The following INPP4A variants were observed in gnomAD, a reference collection of about 807,000 sequenced individuals.
INPP4A encodes inositol polyphosphate-4-phosphatase type I A, also known as inositol polyphosphate-4-phosphatase, type I, 107kD.
INPP4A carries 33 observed loss-of-function variants against 119.8 expected under a neutral mutation model. The ratio of observed to expected loss-of-function variants is 0.28; its 90% CI spans 0.21 to 0.37. The LOEUF (loss-of-function observed/expected upper bound fraction) is 0.37. Ranked by LOEUF, INPP4A falls within the 10% of genes least tolerant of loss-of-function variation. INPP4A has a pLI of 1.00. For synonymous variants in INPP4A, 496 were observed against 500.7 expected, an observed-to-expected ratio of 0.99 and a Z score of 0.12; for missense variants, 956 against 1,289.9, an observed-to-expected ratio of 0.74 and a Z score of 3.97.
chr2:98,479,791 G>T (rs1394632663), intron 1 of INPP4A, among the ~76,000 whole-genome samples: 1 of 152,190 alleles, frequency 6.6e-6, no homozygotes, highest in African/African-American at 2.4e-5. Flanking sequence ...GACCAACTTC[G>T]ATTGAGCTGG....
At chr2:98,513,154 G>A (rs774415285) in intron 1 of INPP4A, among the ~76,000 whole-genome samples, 1 of 152,150 alleles carries the variant, frequency 6.6e-6, no homozygotes, top group Non-Finnish European at 1.5e-5. Flanking sequence ...GACCCCAACT[G>A]CTGTATCGTA....
chr2:98,559,775 G>A (rs1320634055), intron 17 of INPP4A, among the ~76,000 whole-genome samples: 1 of 152,206 alleles, frequency 6.6e-6, no homozygotes, highest in Non-Finnish European at 1.5e-5. Context: ...TGAAGTGGTT[G>A]ACCTGAGGTA....
intron 23 of INPP4A, among the ~76,000 whole-genome samples, chr2:98,576,060 G>A (rs1698363141): frequency 6.6e-6 from 1 of 152,202 alleles, no homozygotes; most frequent in Non-Finnish European, 1.5e-5. Context: ...CTGCAACCAA[G>A]CTCATATTAT....
At position 98,461,446 on chromosome 2, in the gene INPP4A, TC is replaced by T. The variant is rs1449024148; in HGVS notation, c.-166+16363del. On this transcript the variant is annotated intron_variant, in intron 1 of 24. Coordinates refer to ENST00000409851, the MANE Select transcript of INPP4A (RefSeq NM_001134225.2). ...CCCAGAGCAGGGCTCCTTGAAATCTTCCATCCCCTTATTGGCTGTGCACTAA... is the reference window on the plus strand; with the variant it reads ...CCCAGAGCAGGGCTCCTTGAAATCTTCATCCCCTTATTGGCTGTGCACTAA... Among the ~76,000 whole-genome samples, 4 of 152,348 alleles carry T rather than the reference TC, an allele frequency of 2.6e-5. No homozygotes were observed. The East Asian group carries it at 7.7e-4, about 29-fold the overall frequency.
intron 1 of INPP4A, among the ~76,000 whole-genome samples, chr2:98,457,978 ATTTTTTTT>A (rs766066774): frequency 2.9e-5 from 4 of 137,146 alleles, no homozygotes; most frequent in Admixed American, 7.2e-5. Context: ...TTAAACAAAA[ATTTTTTTT>A]TTTTTTTTTT....
At chr2:98,453,615 C>T (rs1695588842) in intron 1 of INPP4A, among the ~76,000 whole-genome samples, 1 of 152,042 alleles carries the variant, frequency 6.6e-6, no homozygotes, top group Non-Finnish European at 1.5e-5. Context: ...TTTTCCTGGG[C>T]GTGCGACCTG....
At chr2:98,491,440 A>G (rs1280836897) in intron 1 of INPP4A, among the ~76,000 whole-genome samples, 2 of 152,158 alleles carry the variant, frequency 1.3e-5, no homozygotes. Context: ...TCTCGTCTGG[A>G]TGATGTGGTT....
At chr2:98,545,927 T>G (rs566023571) in intron 11 of INPP4A, 42 bp from the exon 12 acceptor site, 1 of 1,392,374 alleles carries the variant, frequency 7.2e-7, no homozygotes, top group African/African-American at 1.4e-5. Flanking sequence ...GAATGCAGCA[T>G]GTATGCTGAT....
At chr2:98,547,556 G>A (rs1399963125) in intron 13 of INPP4A, among the ~76,000 whole-genome samples, 1 of 152,220 alleles carries the variant, frequency 6.6e-6, no homozygotes. Context: ...TGGGGGTGAT[G>A]AGTGTAGATG....
intron 1 of INPP4A, among the ~76,000 whole-genome samples, chr2:98,449,432 G>T (rs944275280): frequency 2.0e-5 from 3 of 152,102 alleles, no homozygotes; most frequent in Non-Finnish European, 4.4e-5. Flanking sequence ...GCATTTTGTT[G>T]CTCAAATTAT....
At chr2:98,490,946 A>G (rs1324601477) in intron 1 of INPP4A, among the ~76,000 whole-genome samples, 1 of 152,240 alleles carries the variant, frequency 6.6e-6, no homozygotes, top group Non-Finnish European at 1.5e-5. Flanking sequence ...TCCAAAGAAA[A>G]TAAACATTTT....
intron 1 of INPP4A, among the ~76,000 whole-genome samples, chr2:98,514,623 A>T (rs1299758067): frequency 6.6e-6 from 1 of 151,964 alleles, no homozygotes; most frequent in African/African-American, 2.4e-5. Flanking sequence ...TTCATTAAAG[A>T]CCCAAAAGGA....
chr2:98,535,596 G>A (rs192320935), intron 5 of INPP4A, 133 bp from the exon 6 acceptor site: 22 of 597,594 alleles, frequency 3.7e-5, no homozygotes, highest in African/African-American at 1.7e-4. Flanking sequence ...TATTTAAGCC[G>A]CCTTTAGCAT....
intron 13 of INPP4A, among the ~76,000 whole-genome samples, chr2:98,548,077 G>A (rs1012937406): frequency 3.3e-5 from 5 of 152,124 alleles, no homozygotes; most frequent in African/African-American, 1.2e-4. Context: ...CAGTGGCTGA[G>A]GGGGTCAGGG....
intron 1 of INPP4A, among the ~76,000 whole-genome samples, chr2:98,506,476 G>C (rs1187482956): frequency 7.9e-5 from 12 of 152,260 alleles, no homozygotes; most frequent in Non-Finnish European, 1.5e-5. Flanking sequence ...GCATTTGCAA[G>C]CTGTGTTGTT....
rs199633478 is a variant in INPP4A at position 98,583,194 on chromosome 2, CTTTTA to C, written c.2787-4278_2787-4274del. On this transcript the variant is annotated intron_variant, in intron 24 of 24. Transcript: ENST00000409851. The stretch of plus-strand genomic sequence containing the variant: ...CACCAAAGGCTGTTAAAGTTATATA[CTTTTA>C]TTTATTTTAAAACAGTATTTTTCAT... 6.5e-3 allele frequency among the ~76,000 whole-genome samples: 990 copies of C among 152,258 alleles called. 18 individuals are homozygous for C. The highest frequency in any genetic ancestry group is 0.022 in the African/African-American group (927 of 41,528).
At chr2:98,523,812 A>G (rs1451430519) in intron 4 of INPP4A, among the ~76,000 whole-genome samples, 1 of 152,242 alleles carries the variant, frequency 6.6e-6, no homozygotes, top group African/African-American at 2.4e-5. Flanking sequence ...AACCTTCAAT[A>G]CAGAAAATGT....
intron 1 of INPP4A, among the ~76,000 whole-genome samples, chr2:98,517,266 G>A (rs971159499): frequency 6.6e-6 from 1 of 152,146 alleles, no homozygotes; most frequent in East Asian, 1.9e-4. Context: ...TACTGTTGAC[G>A]AACATTTAGG....
intron 1 of INPP4A, among the ~76,000 whole-genome samples, chr2:98,453,103 G>A (rs780438106): frequency 1.2e-4 from 19 of 152,230 alleles, no homozygotes; most frequent in Non-Finnish European, 2.1e-4. Context: ...CCACCTCCAC[G>A]GTGTAATTTG....
Sources: allele counts gnomAD v4.1 joint callset (sites outside exome capture counted in the v4.1 genomes callset), GRCh38; gene constraint gnomAD v4.1.1; transcripts MANE v1.5; gene names NCBI Gene and HGNC (gene_info 2026-07-23, HGNC 2026-07-21).